The following CHL1 variants were observed in gnomAD, a reference collection of about 807,000 sequenced individuals.
CHL1 encodes neural cell adhesion molecule L1-like protein.
In CHL1, 96 loss-of-function variants were observed where a neutral mutation model predicts 141.9. That is an observed-to-expected ratio of 0.68 (90% confidence interval 0.57 to 0.80). The LOEUF is 0.80. Ranked by LOEUF, CHL1 falls within the 30% of genes least tolerant of loss-of-function variation. CHL1 has a pLI of 0.00. For missense variants in CHL1, 1,820 were observed against 1,457.2 expected (o/e 1.25, Z -4.05); for synonymous variants, 613 against 502.2 (o/e 1.22, Z -2.95).
chr3:390,468 T>C (rs1027066417), intron 20 of CHL1, among the ~76,000 whole-genome samples: 4 of 152,242 alleles, frequency 2.6e-5, no homozygotes, highest in African/African-American at 9.6e-5. Context: ...TTTATCCACA[T>C]TGTATCTATC....
chr3:292,396 A>G (rs1212468875), intron 2 of CHL1, among the ~76,000 whole-genome samples: 2 of 152,220 alleles, frequency 1.3e-5, no homozygotes, highest in Non-Finnish European at 2.9e-5. Context: ...ACTTATGGAA[A>G]GCAAGAATCA....
chr3:366,300 G>A (rs565970048), intron 15 of CHL1, among the ~76,000 whole-genome samples, 185 bp downstream of exon 15: 6 of 151,942 alleles, frequency 3.9e-5, no homozygotes, highest in African/African-American at 9.7e-5. Context: ...GTGAAACCCC[G>A]TCTCCACTAA....
intron 1 of CHL1, among the ~76,000 whole-genome samples, chr3:231,080 A>G (rs1253194187): frequency 6.6e-6 from 1 of 152,170 alleles, no homozygotes; most frequent in Non-Finnish European, 1.5e-5. Flanking sequence ...CTATTTTAGT[A>G]TTAAGTACCA....
intron 9 of CHL1, among the ~76,000 whole-genome samples, chr3:348,768 T>G (rs1484211392): frequency 6.6e-6 from 1 of 152,198 alleles, no homozygotes; most frequent in East Asian, 1.9e-4. Flanking sequence ...GGCGAGAACG[T>G]GATCCAGGAG....
At chr3:224,227 A>G (rs1701122640) in intron 1 of CHL1, among the ~76,000 whole-genome samples, 1 of 152,298 alleles carries the variant, frequency 6.6e-6, no homozygotes, top group Non-Finnish European at 1.5e-5. Context: ...TCCTTGTTTT[A>G]AAGTTAAACT....
At chr3:382,323 C>G (rs369280503) in intron 17 of CHL1, 43 bp downstream of exon 17, 1 of 1,550,170 alleles carries the variant, frequency 6.5e-7, no homozygotes, top group Admixed American at 1.7e-5. Context: ...TCTAGATAGT[C>G]AAAATTAATA....
chr3:322,645 AATATATATATATATATATATATATAATT>A (rs1257329529), intron 3 of CHL1, among the ~76,000 whole-genome samples: 5 of 130,226 alleles, frequency 3.8e-5, no homozygotes, highest in African/African-American at 1.2e-4. Context: ...ATATATATAA[AATATATATATATATATATATATATAATT>A]ATATATATAT....
At chr3:322,676 A>ATATATATATATATATATATATT (rs1575065636) in intron 3 of CHL1, among the ~76,000 whole-genome samples, 2 of 142,498 alleles carry the variant, frequency 1.4e-5, no homozygotes, top group East Asian at 2.1e-4. Flanking sequence ...ATATAATTAT[A>ATATATATATATATATATATATT]TATATATATA....
At chr3:295,353 A>C (rs796910683) in intron 2 of CHL1, among the ~76,000 whole-genome samples, 3 of 152,236 alleles carry the variant, frequency 2.0e-5, no homozygotes, top group Non-Finnish European at 4.4e-5. Flanking sequence ...CCACAGAAGA[A>C]GCAGCTGCTT....
intron 5 of CHL1, among the ~76,000 whole-genome samples, chr3:329,228 A>G (rs1298142511): frequency 6.6e-6 from 1 of 152,106 alleles, no homozygotes; most frequent in Non-Finnish European, 1.5e-5. Flanking sequence ...ATTGGTAAGT[A>G]TAAAACTGTC....
chr3:372,697 T>A (rs1705790564), intron 15 of CHL1, among the ~76,000 whole-genome samples: 1 of 152,178 alleles, frequency 6.6e-6, no homozygotes, highest in African/African-American at 2.4e-5. Context: ...TTTTAGCATT[T>A]TTTTTGTTGA....
At chr3:398,682 G>C (rs1026137712) in intron 25 of CHL1, among the ~76,000 whole-genome samples, 1 of 151,964 alleles carries the variant, frequency 6.6e-6, no homozygotes, top group African/African-American at 2.4e-5. Flanking sequence ...AAAACCACCG[G>C]TCTCCATGGT....
At chr3:363,493 T>C (rs1261548334) in intron 14 of CHL1, 110 bp downstream of exon 14, 2 of 1,020,140 alleles carry the variant, frequency 2.0e-6, no homozygotes, top group Non-Finnish European at 2.8e-6. Context: ...ATAAAGTTCT[T>C]TGAACCGTTT....
At chr3:286,340 G>A (rs1290214127) in intron 2 of CHL1, among the ~76,000 whole-genome samples, 1 of 152,194 alleles carries the variant, frequency 6.6e-6, no homozygotes, top group East Asian at 1.9e-4. Flanking sequence ...GCTGGGCATG[G>A]TGGCTCATGC....
chr3:255,365 C>T (rs1260409327), intron 2 of CHL1, among the ~76,000 whole-genome samples: 3 of 152,248 alleles, frequency 2.0e-5, no homozygotes, highest in East Asian at 3.9e-4. Flanking sequence ...CCTTTCCAGA[C>T]GTTTTAAGTG....
intron 11 of CHL1, among the ~76,000 whole-genome samples, chr3:359,370 C>A (rs1413217298): frequency 6.6e-6 from 1 of 151,864 alleles, no homozygotes; most frequent in Admixed American, 6.6e-5. Context: ...GTGGCGAGAT[C>A]TTGGCTCACT....
At chr3:242,903 G>A (rs912911403) in intron 1 of CHL1, among the ~76,000 whole-genome samples, 12 of 152,096 alleles carry the variant, frequency 7.9e-5, no homozygotes, top group African/African-American at 2.9e-4. Context: ...AGAGTGGGGT[G>A]GGTAATTCAG....
At chr3:246,605 C>T (rs1410242000) in intron 2 of CHL1, 4 of 152,034 alleles carry the variant, frequency 2.6e-5, no homozygotes, top group Non-Finnish European at 1.5e-5. Context: ...GAATACCCAA[C>T]CTCTCAAGAA....
chr3:342,964 C>T lies in CHL1; in HGVS notation c.680-20C>T, dbSNP rs938923680. The T allele has an allele frequency of 2.4e-5, 38 of 1,588,048 alleles. No individual in the cohort carries two copies. Among genetic ancestry groups the T allele is most frequent in the Non-Finnish European group, 3.0e-5 (35 of 1,170,010 alleles). On this transcript the variant is annotated intron_variant, in intron 7 of 27. Coordinates refer to ENST00000256509, the MANE Select transcript of CHL1 (RefSeq NM_006614.4). ...TCCACCATTATGTTTGTGTTTTTTCCTTCCGTTTTTTTATTTCAGTAAAGC... is the reference window on the plus strand; with the variant it reads ...TCCACCATTATGTTTGTGTTTTTTCTTTCCGTTTTTTTATTTCAGTAAAGC...
Sources: allele counts gnomAD v4.1 joint callset (sites outside exome capture counted in the v4.1 genomes callset), GRCh38; gene constraint gnomAD v4.1.1; transcripts MANE v1.5; gene names NCBI Gene and HGNC (gene_info 2026-07-23, HGNC 2026-07-21).